Variants in IL20RA observed in about 807,000 individuals in gnomAD.
The protein encoded by IL20RA is interleukin-20 receptor subunit alpha.
A neutral mutation model predicts 36.5 loss-of-function variants in IL20RA; 29 were observed. That is an observed-to-expected ratio of 0.79 (90% CI 0.59 to 1.08). The LOEUF is 1.08. Ranked by LOEUF, IL20RA falls within the 50% of genes least tolerant of loss-of-function variation. The pLI is 0.00. For synonymous variants in IL20RA, 279 were observed against 267.1 expected (o/e 1.04, Z -0.43); for missense variants, 652 against 668.4 (o/e 0.98, Z 0.27).
intron 3 of IL20RA, among the ~76,000 whole-genome samples, chr6:137,010,791 AC>A (rs1440237035): frequency 6.6e-6 from 1 of 152,148 alleles, no homozygotes; most frequent in Admixed American, 6.6e-5. Flanking sequence ...TAGTCCATAA[AC>A]CCACATTAAA....
At position 137,004,624 on chromosome 6, in the gene IL20RA, A is replaced by G. The variant is rs1775209462; in HGVS notation, c.861T>C (p.Asn287=). 1 of 1,613,786 alleles carries G rather than the reference A, an allele frequency of 6.2e-7. No individual in the cohort carries two copies. Among genetic ancestry groups the G allele is most frequent in the African/African-American group, 1.3e-5 (1 of 74,994 alleles). ...CCCTGCCACACCAAGTACTCACCAAATTTGCTGGGTGTTTCTCTTTGCCAA... is the reference window on the plus strand; with the variant it reads ...CCCTGCCACACCAAGTACTCACCAAGTTTGCTGGGTGTTTCTCTTTGCCAA... The part of the protein sequence containing the change: ...IHVGKEKHPA[N]LILIYGNEFD... Residue 287 remains asparagine (N), a synonymous_variant, in exon 6 of 7, where the codon AAT becomes AAC. Coordinates refer to ENST00000316649, the MANE Select transcript of IL20RA (RefSeq NM_014432.4).
rs759361391 is a variant in IL20RA, at chr6:137,001,692, C to G, written c.1528G>C (p.Asp510His). Residue 510 changes from aspartate (D) to histidine (H), a missense_variant, in exon 7 of 7, where the codon GAT becomes CAT. Transcript: ENST00000316649. ...DSEGCEPSEGDGLGEEGLLSR... is the reference protein window; with the variant it reads ...DSEGCEPSEGHGLGEEGLLSR... ...AGAAGACCCTCCTCTCCGAGCCCAT[C>G]CCCCTCAGAAGGCTCGCAGCCCTCT... 6.2e-7 allele frequency: 1 copy of G among 1,614,114 alleles called. No homozygotes were observed. The highest frequency in any genetic ancestry group is 2.2e-5 in the East Asian group (1 of 44,888).
chr6:137,044,157 T>G (rs1196375945), intron 1 of IL20RA: 1 of 985,774 alleles, frequency 1.0e-6, no homozygotes, highest in Non-Finnish European at 1.2e-6. Flanking sequence ...AGTTTGGCTT[T>G]TAAAGCGCGG....
Position 137,001,406 on chromosome 6 carries a change from G to A in IL20RA, c.*152C>T, listed in dbSNP as rs1056437607. Reference sequence around the variant, plus strand: ...CTACATGCATGAACCAATCACACACGTGCTATGAGAATAGAGAAAAGAAAT... The same window carrying A: ...CTACATGCATGAACCAATCACACACATGCTATGAGAATAGAGAAAAGAAAT... On this transcript the variant is annotated 3_prime_UTR_variant, in exon 7 of 7. Transcript: ENST00000316649. 11 of 685,870 alleles carry A rather than the reference G, an allele frequency of 1.6e-5. No homozygotes were observed. The Admixed American group carries it at 1.8e-4, about 11-fold the overall frequency. 42.5% of individuals were successfully genotyped at this position (685,870 alleles called of 1,614,324 possible).
intron 1 of IL20RA, among the ~76,000 whole-genome samples, chr6:137,030,882 A>C (rs1201232199): frequency 1.3e-5 from 2 of 152,180 alleles, no homozygotes; most frequent in African/African-American, 4.8e-5. Context: ...GGATAATTCA[A>C]ACACTCCTTG....
In IL20RA at chr6:137,000,621, T is replaced by C. The variant is rs1775000075; in HGVS notation, c.*937A>G. ...TGTATGTCCTATATTTACTTATGGG[T>C]TTTAATATTATAAGAATAGAGGATA... On this transcript the variant is annotated 3_prime_UTR_variant, in exon 7 of 7. Transcript: ENST00000316649. The C allele has an allele frequency of 6.6e-6, 1 of 152,152 alleles. No individual in the cohort carries two copies. Among genetic ancestry groups the C allele is most frequent in the African/African-American group, 2.4e-5 (1 of 41,438 alleles). 9.4% of individuals were successfully genotyped at this position (152,152 alleles called of 1,614,324 possible). A position where few individuals can be genotyped will look rare whatever the true frequency, so the allele number is the denominator to read the frequency against.
intron 6 of IL20RA, among the ~76,000 whole-genome samples, chr6:137,004,159 C>T (rs1042655229): frequency 8.0e-5 from 7 of 88,016 alleles, no homozygotes; most frequent in African/African-American, 2.2e-4. Context: ...ATCCAGAAAG[C>T]TTTTTTTTTT....
intron 5 of IL20RA, 52 bp from the exon 6 acceptor site, chr6:137,004,812 G>A: frequency 6.7e-7 from 1 of 1,500,022 alleles, no homozygotes; most frequent in Non-Finnish European, 9.0e-7. Context: ...TTAGATAGTT[G>A]TGATTTGATG....
intron 1 of IL20RA, among the ~76,000 whole-genome samples, chr6:137,026,326 T>G (rs1776088959): frequency 6.6e-6 from 1 of 152,238 alleles, no homozygotes. Flanking sequence ...CTCTTCGGGC[T>G]GACATAAATC....
chr6:137,039,995 G>A (rs1776629036), intron 1 of IL20RA, among the ~76,000 whole-genome samples: 1 of 152,152 alleles, frequency 6.6e-6, no homozygotes, highest in Non-Finnish European at 1.5e-5. Flanking sequence ...TTGGTCAATA[G>A]TATCTTCATG....
chr6:137,019,917 G>A (rs1317697850), intron 1 of IL20RA, among the ~76,000 whole-genome samples: 1 of 152,170 alleles, frequency 6.6e-6, no homozygotes, highest in Admixed American at 6.5e-5. Flanking sequence ...CATGACTGTG[G>A]TAGCTGGCCT....
At chr6:137,003,598 G>A (rs917517984) in intron 6 of IL20RA, among the ~76,000 whole-genome samples, 1 of 152,224 alleles carries the variant, frequency 6.6e-6, no homozygotes, top group African/African-American at 2.4e-5. Context: ...GTCTTACTCC[G>A]CTCTAAGTTT....
intron 1 of IL20RA, among the ~76,000 whole-genome samples, chr6:137,036,646 G>GAA (rs557755438): frequency 1.3e-3 from 202 of 151,738 alleles, no homozygotes; most frequent in African/African-American, 4.7e-3. Flanking sequence ...AAGAGGCACA[G>GAA]AATGGATTCT....
chr6:137,032,930 T>C lies in IL20RA; in HGVS notation c.88+11711A>G, dbSNP rs115754897. ...GACTGGCTCTTTGAGGTACTTACAT[T>C]ATTTTGCCACAAGATATAAAACAAG... On this transcript the variant is annotated intron_variant, in intron 1 of 6. Transcript: ENST00000316649. Among the ~76,000 whole-genome samples, 548 of 152,316 alleles carry C rather than the reference T, an allele frequency of 3.6e-3. 7 individuals are homozygous for C. The highest frequency in any genetic ancestry group is 9.7e-3 in the African/African-American group (403 of 41,562).
Position 137,001,910 on chromosome 6 carries a change from G to A in IL20RA, c.1310C>T (p.Ala437Val), listed in dbSNP as rs779209682. Residue 437 changes from alanine to valine, a missense_variant, in exon 7 of 7, where the codon GCG (alanine) becomes GTG (valine). Physicochemically the swap from Ala to Val is moderately conservative, Grantham distance 64. Coordinates refer to ENST00000316649, the MANE Select transcript of IL20RA (RefSeq NM_014432.4). Reference sequence around the variant, plus strand: ...CGTTTGCGGGCCCAAGACTGCCAACGCTGCCTGCGACTCCAATAATGTTCC... The same window carrying A: ...CGTTTGCGGGCCCAAGACTGCCAACACTGCCTGCGACTCCAATAATGTTCC... ...TQGTLLESQAALAVLGPQTLQ... is the reference protein window; with the variant it reads ...TQGTLLESQAVLAVLGPQTLQ... 5 of 1,613,864 alleles carry A rather than the reference G, an allele frequency of 3.1e-6. No homozygotes were observed. The highest frequency in any genetic ancestry group is 1.7e-5 in the Admixed American group (1 of 60,018).
intron 2 of IL20RA, among the ~76,000 whole-genome samples, chr6:137,016,458 T>C (rs183107409): frequency 2.6e-5 from 4 of 152,320 alleles, no homozygotes; most frequent in Admixed American, 2.6e-4. Context: ...GGATGGTTCC[T>C]AGTTTGTGGT....
At chr6:137,014,745 T>G (rs1469401114) in intron 2 of IL20RA, among the ~76,000 whole-genome samples, 1 of 152,210 alleles carries the variant, frequency 6.6e-6, no homozygotes, top group Non-Finnish European at 1.5e-5. Flanking sequence ...ATTCAAATTA[T>G]TTCTAAGAAA....
intron 1 of IL20RA, chr6:137,042,992 C>T (rs1776757608): frequency 6.6e-6 from 1 of 152,204 alleles, no homozygotes; most frequent in African/African-American, 2.4e-5. Flanking sequence ...ATCAAGGTCT[C>T]TTGGGTCAGA....
At chr6:137,008,263 C>T (rs367823313) in intron 5 of IL20RA, among the ~76,000 whole-genome samples, 5 of 152,082 alleles carry the variant, frequency 3.3e-5, no homozygotes, top group South Asian at 4.2e-4. Flanking sequence ...CTATGCCCAG[C>T]GTGATTATGA....
Sources: allele counts gnomAD v4.1 joint callset (sites outside exome capture counted in the v4.1 genomes callset), GRCh38; gene constraint gnomAD v4.1.1; transcripts MANE v1.5; gene names NCBI Gene and HGNC (gene_info 2026-07-23, HGNC 2026-07-21).